The following OTUD7A variants were observed in gnomAD, a reference collection of about 807,000 sequenced individuals.
OTUD7A encodes OTU domain-containing protein 7A.
Under a neutral mutation model 65.7 loss-of-function variants are expected in OTUD7A, and 12 were observed. The ratio of observed to expected loss-of-function variants is 0.18; its 90% confidence interval spans 0.12 to 0.30. The LOEUF is 0.30. Ranked by LOEUF, OTUD7A falls within the 10% of genes least tolerant of loss-of-function variation. The pLI is 1.00. For missense variants in OTUD7A, 1,148 were observed against 1,304.8 expected, an observed-to-expected ratio of 0.88 and a Z score of 1.85; for synonymous variants, 641 against 586.3, an observed-to-expected ratio of 1.09 and a Z score of -1.35.
intron 9 of OTUD7A, 143 bp downstream of exon 9, chr15:31,503,544 GAGAA>G: frequency 9.0e-7 from 1 of 1,114,190 alleles, no homozygotes; most frequent in Admixed American, 2.0e-5. Context: ...CATCAGGGAG[GAGAA>G]AGAAACACGT....
intron 3 of OTUD7A, among the ~76,000 whole-genome samples, chr15:31,635,680 C>T (rs7178026): frequency 0.29 from 43,508 of 152,012 alleles, 7,314 homozygotes; most frequent in African/African-American, 0.47. Context: ...TTCTAAGATG[C>T]CTAAGTGGGG....
intron 1 of OTUD7A, among the ~76,000 whole-genome samples, chr15:31,807,216 C>T (rs1400425937): frequency 2.6e-5 from 4 of 152,132 alleles, no homozygotes; most frequent in East Asian, 1.9e-4. Flanking sequence ...AATCGAGCCT[C>T]GGAGAAGCTA....
intron 1 of OTUD7A, among the ~76,000 whole-genome samples, chr15:31,758,967 C>A (rs1205145362): frequency 6.6e-6 from 1 of 152,184 alleles, no homozygotes; most frequent in East Asian, 1.9e-4. Context: ...GACCTGCCCC[C>A]TCCAGGGTTT....
In OTUD7A at chr15:31,482,250, A is replaced by G. The variant is rs2041134112; in HGVS notation, c.*1044T>C. The G allele has an allele frequency of 6.6e-6, 1 of 152,254 alleles. No individual in the cohort carries two copies. The highest frequency in any genetic ancestry group is 2.1e-4 in the South Asian group (1 of 4,830). The allele number at this position is 152,254 out of a possible 1,614,324, so 9.4% of individuals were successfully genotyped here. ...GGCCACGATCACAGTGAGTCCCTTT[A>G]CCTGGCTGAACCCAGACAGATGCAG... On this transcript the variant is annotated 3_prime_UTR_variant, in exon 13 of 13. Coordinates refer to ENST00000307050, the MANE Select transcript of OTUD7A (RefSeq NM_001382637.1).
intron 5 of OTUD7A, among the ~76,000 whole-genome samples, chr15:31,540,488 T>C (rs975593751): frequency 2.0e-5 from 3 of 152,178 alleles, no homozygotes; most frequent in Admixed American, 2.0e-4. Flanking sequence ...TGGGTTCAAA[T>C]CTCAGTTCCA....
intron 1 of OTUD7A, among the ~76,000 whole-genome samples, chr15:31,756,531 A>C (rs1894816240): frequency 6.6e-6 from 1 of 151,954 alleles, no homozygotes; most frequent in South Asian, 2.1e-4. Flanking sequence ...CATCCCCCAA[A>C]GCTAACATGG....
intron 1 of OTUD7A, among the ~76,000 whole-genome samples, chr15:31,691,144 T>C (rs577550032): frequency 4.8e-4 from 73 of 152,342 alleles, no homozygotes; most frequent in African/African-American, 1.7e-3. Flanking sequence ...AGAATTAATA[T>C]TGTTAAAATG....
At chr15:31,772,669 G>A (rs1196973211) in intron 1 of OTUD7A, among the ~76,000 whole-genome samples, 1 of 152,128 alleles carries the variant, frequency 6.6e-6, no homozygotes, top group Non-Finnish European at 1.5e-5. Flanking sequence ...AGCAAAGTTG[G>A]GGAACTGCTG....
chr15:31,802,810 T>C (rs998267887), intron 1 of OTUD7A, among the ~76,000 whole-genome samples: 3 of 152,208 alleles, frequency 2.0e-5, no homozygotes, highest in Non-Finnish European at 4.4e-5. Context: ...GCAATTACCA[T>C]CTCTTTGATA....
chr15:31,794,503 T>TG (rs1235692316), intron 1 of OTUD7A, among the ~76,000 whole-genome samples: 1 of 15,866 alleles, frequency 6.3e-5, no homozygotes, highest in Non-Finnish European at 1.2e-4. Flanking sequence ...AGGTATAATA[T>TG]GGGGGAGGGA....
At chr15:31,599,677 TA>T (rs1316094864) in intron 3 of OTUD7A, among the ~76,000 whole-genome samples, 1 of 151,766 alleles carries the variant, frequency 6.6e-6, no homozygotes, top group Non-Finnish European at 1.5e-5. Flanking sequence ...AGAAAGTGGG[TA>T]ATAACAAACC....
intron 5 of OTUD7A, among the ~76,000 whole-genome samples, chr15:31,537,143 C>T (rs183228024): frequency 6.6e-6 from 1 of 151,820 alleles, no homozygotes; most frequent in East Asian, 1.9e-4. Flanking sequence ...AAATTAAGGC[C>T]CTCAGGAGTA....
At chr15:31,827,690 GC>G (rs1256090950) in intron 1 of OTUD7A, among the ~76,000 whole-genome samples, 3 of 152,176 alleles carry the variant, frequency 2.0e-5, no homozygotes, top group African/African-American at 7.2e-5. Context: ...ACTTTGGGAG[GC>G]TGAGATGGGT....
Position 31,531,968 on chromosome 15 carries a change from G to T in OTUD7A, c.551-1160C>A, listed in dbSNP as rs565809330. 5.3e-5 allele frequency among the ~76,000 whole-genome samples: 8 copies of T among 152,286 alleles called. No homozygotes were observed. In the South Asian group the frequency reaches 1.7e-3, roughly 32 times the overall value. On this transcript the variant is annotated intron_variant, in intron 5 of 12. Transcript: ENST00000307050. ...AAGCCCATTCCCCAGGTATCAACAG[G>T]GGCAGAGGGGGAACCTGTACTTCAA...
At chr15:31,514,608 A>G (rs2041815119) in intron 8 of OTUD7A, among the ~76,000 whole-genome samples, 1 of 152,186 alleles carries the variant, frequency 6.6e-6, no homozygotes, top group Non-Finnish European at 1.5e-5. Flanking sequence ...GTTCGTATTC[A>G]TTCTAAAGCA....
At chr15:31,826,371 A>G (rs1595796118) in intron 1 of OTUD7A, among the ~76,000 whole-genome samples, 1 of 152,254 alleles carries the variant, frequency 6.6e-6, no homozygotes, top group East Asian at 1.9e-4. Context: ...CACCATCTGA[A>G]GCCACAGCAG....
intron 6 of OTUD7A, among the ~76,000 whole-genome samples, chr15:31,529,213 TTTTAGATTC>T (rs576855702): frequency 9.1e-4 from 138 of 152,352 alleles, no homozygotes; most frequent in Non-Finnish European, 1.8e-3. Flanking sequence ...AGATTTATTC[TTTTAGATTC>T]TTTCTCCAGG....
chr15:31,720,556 T>A lies in OTUD7A; in HGVS notation c.-99-63479A>T, dbSNP rs540286323. 3.2e-4 allele frequency among the ~76,000 whole-genome samples: 48 copies of A among 151,844 alleles called. No homozygotes were observed. In the East Asian group the frequency reaches 8.9e-3, roughly 28 times the overall value. Reference sequence around the variant, plus strand: ...GCTGGGACTACAGGCGCCCGCCACCTCGCCCGGCTAATTTTTTGTATTTTT... The same window carrying A: ...GCTGGGACTACAGGCGCCCGCCACCACGCCCGGCTAATTTTTTGTATTTTT... On this transcript the variant is annotated intron_variant, in intron 1 of 12. Transcript: ENST00000307050.
At chr15:31,538,419 A>G (rs1227323056) in intron 5 of OTUD7A, among the ~76,000 whole-genome samples, 1 of 152,178 alleles carries the variant, frequency 6.6e-6, no homozygotes, top group Non-Finnish European at 1.5e-5. Context: ...GTTCTCCTGC[A>G]CACTGCAGGA....
Sources: allele counts gnomAD v4.1 joint callset (sites outside exome capture counted in the v4.1 genomes callset), GRCh38; gene constraint gnomAD v4.1.1; transcripts MANE v1.5; gene names NCBI Gene and HGNC (gene_info 2026-07-23, HGNC 2026-07-21).